The following NKAIN2 variants were observed in gnomAD, a reference collection of about 807,000 sequenced individuals.
NKAIN2 encodes the protein sodium/potassium-transporting ATPase subunit beta-1-interacting protein 2.
In NKAIN2, 14 loss-of-function variants were observed where a neutral mutation model predicts 32.6. The observed-to-expected ratio is 0.43, with a 90% CI of 0.28 to 0.67. NKAIN2 has a LOEUF of 0.67. Among genes scored for constraint, NKAIN2 ranks in the 30% least tolerant of loss-of-function variants. The pLI, the probability that NKAIN2 is intolerant of heterozygous loss-of-function variation, is 0.17. For synonymous variants in NKAIN2, 80 were observed against 87.2 expected (o/e 0.92, Z 0.46); for missense variants, 198 against 258.3 (o/e 0.77, Z 1.60).
chr6:124,114,354 C>A (rs1347650193), intron 1 of NKAIN2, among the ~76,000 whole-genome samples: 1 of 151,940 alleles, frequency 6.6e-6, no homozygotes, highest in Non-Finnish European at 1.5e-5. Flanking sequence ...GTAGTATTGT[C>A]CATTAACAGA....
At chr6:123,881,897 T>C (rs1773475231) in intron 1 of NKAIN2, among the ~76,000 whole-genome samples, 1 of 152,148 alleles carries the variant, frequency 6.6e-6, no homozygotes, top group South Asian at 2.1e-4. Context: ...ATCTTTAACA[T>C]GGTGCATTAC....
intron 1 of NKAIN2, among the ~76,000 whole-genome samples, chr6:123,894,297 CATT>C (rs1243040620): frequency 3.3e-5 from 5 of 152,078 alleles, no homozygotes; most frequent in African/African-American, 9.7e-5. Context: ...TGATAGCTGT[CATT>C]GTTGGAAATT....
At chr6:124,342,422 A>G (rs1031244631) in intron 2 of NKAIN2, among the ~76,000 whole-genome samples, 5 of 140,368 alleles carry the variant, frequency 3.6e-5, no homozygotes, top group Non-Finnish European at 7.4e-5. Context: ...AAAAAAAAAA[A>G]CAAAACACCT....
At chr6:124,785,430 C>G (rs533487831) in intron 4 of NKAIN2, among the ~76,000 whole-genome samples, 1 of 152,260 alleles carries the variant, frequency 6.6e-6, no homozygotes, top group Non-Finnish European at 1.5e-5. Flanking sequence ...CAGTTTGAGG[C>G]CATCCTCACT....
intron 4 of NKAIN2, among the ~76,000 whole-genome samples, chr6:124,726,877 T>C (rs1405975729): frequency 1.1e-3 from 121 of 107,678 alleles, no homozygotes; most frequent in Middle Eastern, 4.4e-3. Flanking sequence ...CTGATGGAGC[T>C]GAAAACCAAG....
chr6:124,450,961 G>T (rs1264785537), intron 3 of NKAIN2, among the ~76,000 whole-genome samples: 3 of 151,966 alleles, frequency 2.0e-5, no homozygotes, highest in Non-Finnish European at 4.4e-5. Context: ...CAGTAATAAT[G>T]CATAAGGACT....
intron 4 of NKAIN2, among the ~76,000 whole-genome samples, chr6:124,695,949 A>C (rs1486588602): frequency 6.6e-6 from 1 of 152,200 alleles, no homozygotes; most frequent in Non-Finnish European, 1.5e-5. Context: ...GATGCAGGGG[A>C]AACTGCTTTT....
intron 1 of NKAIN2, among the ~76,000 whole-genome samples, chr6:124,164,959 T>G (rs2114469196): frequency 6.6e-6 from 1 of 152,256 alleles, no homozygotes; most frequent in Non-Finnish European, 1.5e-5. Context: ...AACTTGATTG[T>G]TCATTTAAAT....
At chr6:124,657,163 C>T (rs964113350) in intron 3 of NKAIN2, among the ~76,000 whole-genome samples, 3 of 152,172 alleles carry the variant, frequency 2.0e-5, no homozygotes, top group Non-Finnish European at 4.4e-5. Flanking sequence ...TGACTTAAGA[C>T]GTTATCTGTA....
intron 1 of NKAIN2, among the ~76,000 whole-genome samples, chr6:124,055,688 C>T (rs897048329): frequency 2.0e-5 from 3 of 151,848 alleles, no homozygotes; most frequent in African/African-American, 7.3e-5. Flanking sequence ...ACCTTCAAGC[C>T]CAGGAGAAAA....
intron 3 of NKAIN2, among the ~76,000 whole-genome samples, chr6:124,402,733 T>C (rs1049267937): frequency 1.3e-5 from 2 of 152,122 alleles, no homozygotes; most frequent in Non-Finnish European, 2.9e-5. Context: ...TTCTCACTTA[T>C]AAGTGGGAGC....
intron 4 of NKAIN2, among the ~76,000 whole-genome samples, chr6:124,673,252 G>A (rs1773193927): frequency 6.6e-6 from 1 of 151,984 alleles, no homozygotes; most frequent in Non-Finnish European, 1.5e-5. Flanking sequence ...AACATTCCAT[G>A]ATATGTATAT....
chr6:124,130,068 T>A (rs1234759970), intron 1 of NKAIN2, among the ~76,000 whole-genome samples: 1 of 152,212 alleles, frequency 6.6e-6, no homozygotes, highest in Non-Finnish European at 1.5e-5. Context: ...TAGTAAAATT[T>A]CATGATTAAT....
intron 1 of NKAIN2, among the ~76,000 whole-genome samples, chr6:123,971,178 T>C (rs958700877): frequency 1.3e-5 from 2 of 152,064 alleles, no homozygotes; most frequent in African/African-American, 4.8e-5. Flanking sequence ...AAGCAAAATG[T>C]AGCAGGATCA....
At chr6:124,061,094 A>G (rs1782901511) in intron 1 of NKAIN2, among the ~76,000 whole-genome samples, 1 of 152,144 alleles carries the variant, frequency 6.6e-6, no homozygotes, top group Non-Finnish European at 1.5e-5. Flanking sequence ...AGTAAATAAT[A>G]CAGTATTTAG....
chr6:124,114,137 A>C (rs1198445007), intron 1 of NKAIN2, among the ~76,000 whole-genome samples: 5 of 152,188 alleles, frequency 3.3e-5, no homozygotes, highest in Non-Finnish European at 7.3e-5. Flanking sequence ...GTTGCTCTGC[A>C]TTCTAGCTAA....
chr6:124,429,269 A>C (rs1030146696), intron 3 of NKAIN2, among the ~76,000 whole-genome samples: 1 of 151,102 alleles, frequency 6.6e-6, no homozygotes, highest in Non-Finnish European at 1.5e-5. Context: ...GCTGGTCTTG[A>C]ACTCCTGACC....
Position 124,618,675 on chromosome 6 carries a change from A to G in NKAIN2, c.274-39511A>G, listed in dbSNP as rs995544634. On this transcript the variant is annotated intron_variant, in intron 3 of 6. Coordinates refer to ENST00000368417, the MANE Select transcript of NKAIN2 (RefSeq NM_001040214.3). Reference sequence around the variant, plus strand: ...AATTTTGAATGGAACAATATATGCTACAGTTCTAAAAGACAAAGATATTTA... The same window carrying G: ...AATTTTGAATGGAACAATATATGCTGCAGTTCTAAAAGACAAAGATATTTA... 2.0e-5 allele frequency among the ~76,000 whole-genome samples: 3 copies of G among 152,310 alleles called. No individual in the cohort carries two copies. The East Asian group carries it at 5.8e-4, about 29-fold the overall frequency.
chr6:124,568,088 A>G (rs1449936843), intron 3 of NKAIN2, among the ~76,000 whole-genome samples: 1 of 152,176 alleles, frequency 6.6e-6, no homozygotes, highest in African/African-American at 2.4e-5. Flanking sequence ...TAGGTTTGGA[A>G]CTGGGTCACT....
Sources: allele counts gnomAD v4.1 joint callset (sites outside exome capture counted in the v4.1 genomes callset), GRCh38; gene constraint gnomAD v4.1.1; transcripts MANE v1.5; gene names NCBI Gene and HGNC (gene_info 2026-07-23, HGNC 2026-07-21).